Variants in KCNIP1 observed in about 807,000 individuals in gnomAD.
KCNIP1 encodes A-type potassium channel modulatory protein KCNIP1.
A neutral mutation model predicts 33.0 loss-of-function variants in KCNIP1; 18 were observed. That is an observed-to-expected ratio of 0.55 (90% CI 0.38 to 0.81). The LOEUF (loss-of-function observed/expected upper bound fraction) is 0.81. Among genes scored for constraint, KCNIP1 ranks in the 30% least tolerant of loss-of-function variants. The pLI is 0.00. For missense variants in KCNIP1, 238 were observed against 271.6 expected, an observed-to-expected ratio of 0.88 and a Z score of 0.87; for synonymous variants, 93 against 98.3, an observed-to-expected ratio of 0.95 and a Z score of 0.32.
intron 6 of KCNIP1, 95 bp downstream of exon 6, chr5:170,732,999 C>T: frequency 1.4e-6 from 1 of 711,568 alleles, no homozygotes; most frequent in Non-Finnish European, 2.6e-6. Flanking sequence ...CAACCCTGTA[C>T]TAAGCATGGT....
chr5:170,721,859 T>G lies in KCNIP1; in HGVS notation c.283T>G (p.Phe95Val). 1 of 1,614,128 alleles carries G rather than the reference T, an allele frequency of 6.2e-7. No individual in the cohort carries two copies. The highest frequency in any genetic ancestry group is 8.5e-7 in the Non-Finnish European group (1 of 1,180,010). The change falls in exon 4 of 8, where the codon TTC (phenylalanine) becomes GTC (valine). Residue 95 changes from phenylalanine to valine, a missense_variant. Coordinates refer to ENST00000328939, the MANE Select transcript of KCNIP1 (RefSeq NM_014592.4). The stretch of plus-strand genomic sequence containing the variant: ...TGCCAGCACGTATGCCCATTACCTC[T>G]TCAATGCCTTCGACACCACTCAGAC... Reference protein sequence around the residue: ...GDASTYAHYLFNAFDTTQTGS... With the variant: ...GDASTYAHYLVNAFDTTQTGS...
At chr5:170,639,815 G>A (rs555842530) in intron 1 of KCNIP1, among the ~76,000 whole-genome samples, 4 of 152,280 alleles carry the variant, frequency 2.6e-5, no homozygotes, top group South Asian at 2.1e-4. Flanking sequence ...AGTTGGATGC[G>A]GTTCAGCTGT....
At chr5:170,577,114 T>A (rs1302529025) in intron 1 of KCNIP1, among the ~76,000 whole-genome samples, 1 of 152,150 alleles carries the variant, frequency 6.6e-6, no homozygotes, top group African/African-American at 2.4e-5. Context: ...TTCCCTGAGA[T>A]TTTCCTGAAA....
intron 1 of KCNIP1, among the ~76,000 whole-genome samples, chr5:170,475,253 C>T (rs895349940): frequency 6.6e-6 from 1 of 152,258 alleles, no homozygotes; most frequent in Non-Finnish European, 1.5e-5. Flanking sequence ...CTCAGTGTGA[C>T]CAACCTCCAA....
At chr5:170,375,887 A>T (rs1474570822) in intron 1 of KCNIP1, 5 of 152,262 alleles carry the variant, frequency 3.3e-5, no homozygotes. Flanking sequence ...AGGCACAGAA[A>T]GGTTATTCGT....
In KCNIP1 at chr5:170,353,900, C is replaced by A; in HGVS notation, c.24C>A (p.Cys8Ter). ...CCATGAGCGGCTGCTCCAAAAGATG[C>A]AAGCTTGGGTTCGTGAAATTTGCCC... Residue 8 changes from cysteine (C) to a stop codon, truncating the protein, a stop_gained, in exon 1 of 8, where the codon TGC (cysteine) becomes TGA (stop). Transcript: ENST00000377360. LOFTEE classifies it high-confidence loss of function. The A allele has an allele frequency of 6.2e-7, 1 of 1,614,200 alleles. No individual in the cohort carries two copies. The highest frequency in any genetic ancestry group is 8.5e-7 in the Non-Finnish European group (1 of 1,180,028).
At chr5:170,621,208 A>G (rs1759588521) in intron 1 of KCNIP1, among the ~76,000 whole-genome samples, 1 of 152,240 alleles carries the variant, frequency 6.6e-6, no homozygotes, top group East Asian at 1.9e-4. Flanking sequence ...TGGAGATTCC[A>G]AGACATTAGG....
intron 1 of KCNIP1, among the ~76,000 whole-genome samples, chr5:170,388,619 G>T (rs1422902493): frequency 6.6e-6 from 1 of 152,220 alleles, no homozygotes; most frequent in Non-Finnish European, 1.5e-5. Flanking sequence ...TGATAGCTGG[G>T]TCGACATCCT....
chr5:170,353,677 G>C, exon 1 of KCNIP1: 1 of 604,472 alleles, frequency 1.7e-6, no homozygotes, highest in South Asian at 2.0e-5. Flanking sequence ...GAGGGAGGGA[G>C]AGTTTGCCCT....
In KCNIP1 at chr5:170,451,566, A is replaced by C. The variant is rs531307600; in HGVS notation, c.88+97602A>C. Among the ~76,000 whole-genome samples the C allele has an allele frequency of 9.5e-4, 129 of 136,400 alleles. 1 individual carries two copies. Among genetic ancestry groups the C allele is most frequent in the African/African-American group, 3.5e-3 (114 of 32,914 alleles). The allele number at this position is 136,400 out of a possible 152,430, so 89.5% of individuals were successfully genotyped here. ...GGCATTGACACCACCCATTTCCCAG[A>C]AACCTGAACTTGCAAAAAAAAAAAA... On this transcript the variant is annotated intron_variant, in intron 1 of 7. Coordinates refer to the KCNIP1 transcript ENST00000377360.
intron 1 of KCNIP1, among the ~76,000 whole-genome samples, chr5:170,528,936 G>T (rs1031247727): frequency 6.6e-6 from 1 of 152,186 alleles, no homozygotes; most frequent in Non-Finnish European, 1.5e-5. Flanking sequence ...CAGTGTTATT[G>T]CATGGGAGAC....
At chr5:170,721,958 C>T (rs1042469540) in intron 4 of KCNIP1, 55 bp downstream of exon 4, 132 of 1,595,936 alleles carry the variant, frequency 8.3e-5, no homozygotes, top group Middle Eastern at 1.7e-4. Context: ...TCACCTCCCC[C>T]TCTAAATCTC....
At chr5:170,708,147 AC>A (rs1485195061) in intron 1 of KCNIP1, among the ~76,000 whole-genome samples, 2 of 152,168 alleles carry the variant, frequency 1.3e-5, no homozygotes, top group Non-Finnish European at 2.9e-5. Flanking sequence ...ACCAAATGGG[AC>A]TTTCCGTCCC....
chr5:170,406,234 C>G (rs928410716), intron 1 of KCNIP1, among the ~76,000 whole-genome samples: 1 of 152,086 alleles, frequency 6.6e-6, no homozygotes, highest in African/African-American at 2.4e-5. Flanking sequence ...ATTGGGGGTA[C>G]GTTTATGGAA....
chr5:170,394,574 C>T (rs1401472485), intron 1 of KCNIP1, among the ~76,000 whole-genome samples: 1 of 152,194 alleles, frequency 6.6e-6, no homozygotes, highest in Non-Finnish European at 1.5e-5. Context: ...TATAGTTTCA[C>T]AGTTGTACAT....
rs566262442 is a variant in KCNIP1 at position 170,598,128 on chromosome 5, C to T, written c.61+93495C>T. On this transcript the variant is annotated intron_variant, in intron 1 of 7. Coordinates refer to ENST00000328939, the MANE Select transcript of KCNIP1 (RefSeq NM_014592.4). Reference sequence around the variant, plus strand: ...CTCTAGCCCTTCAATCACTCCTAATCAGACCGTGTATTTTAGCAACAGAAT... The same window carrying T: ...CTCTAGCCCTTCAATCACTCCTAATTAGACCGTGTATTTTAGCAACAGAAT... 9.3e-4 allele frequency among the ~76,000 whole-genome samples: 141 copies of T among 152,280 alleles called. 2 individuals carry two copies. The South Asian group carries it at 0.017, about 19-fold the overall frequency.
rs1005596282 is a variant in KCNIP1 at position 170,703,814 on chromosome 5, T to C, written c.62-14944T>C. ...CCTTTTAGTGCTACATACACACTTT[T>C]AGCAAATAATGAGCACTTACTAGTC... On this transcript the variant is annotated intron_variant, in intron 1 of 7. Transcript: ENST00000328939. Among the ~76,000 whole-genome samples the C allele has an allele frequency of 2.9e-5, 4 of 138,012 alleles. 1 individual carries two copies. The highest frequency in any genetic ancestry group is 8.0e-5 in the African/African-American group (3 of 37,696). The allele number at this position is 138,012 out of a possible 152,430, so 90.5% of individuals were successfully genotyped here.
intron 1 of KCNIP1, among the ~76,000 whole-genome samples, chr5:170,427,062 G>A (rs1365328001): frequency 1.3e-5 from 2 of 152,258 alleles, no homozygotes; most frequent in African/African-American, 2.4e-5. Context: ...AGGAGGGCTG[G>A]AGCAGGGGCT....
intron 1 of KCNIP1, among the ~76,000 whole-genome samples, chr5:170,434,529 T>A (rs1161377467): frequency 6.6e-6 from 1 of 152,170 alleles, no homozygotes; most frequent in East Asian, 1.9e-4. Context: ...AGGTAGGATG[T>A]GCACCAGGGA....
Sources: gnomAD v4.1 joint callset for allele counts (sites outside exome capture counted in the v4.1 genomes callset) on GRCh38, gnomAD v4.1.1 for gene constraint, MANE v1.5 for transcripts, NCBI Gene and HGNC (gene_info 2026-07-23, HGNC 2026-07-21) for gene names.